SEMA3D: variants seen among roughly 807,000 people sequenced by gnomAD.
SEMA3D encodes the protein semaphorin-3D.
Under a neutral mutation model 100.1 loss-of-function variants are expected in SEMA3D, and 84 were observed. The observed-to-expected ratio is 0.84, with a 90% CI of 0.70 to 1.01. The LOEUF is 1.01. Ranked by LOEUF, SEMA3D falls within the 50% of genes least tolerant of loss-of-function variation. The pLI is 0.00. For synonymous variants in SEMA3D, 312 were observed against 320.7 expected, an observed-to-expected ratio of 0.97 and a Z score of 0.29; for missense variants, 875 against 934.1, an observed-to-expected ratio of 0.94 and a Z score of 0.82.
At chr7:85,168,471 A>G (rs886686318) in intron 1 of SEMA3D, among the ~76,000 whole-genome samples, 6 of 151,734 alleles carry the variant, frequency 4.0e-5, no homozygotes, top group African/African-American at 1.5e-4. Flanking sequence ...TTAGTTGTCA[A>G]CCTCACTAAG....
chr7:85,040,752 G>T lies in SEMA3D; in HGVS notation c.977-10C>A. The T allele has an allele frequency of 8.3e-7, 1 of 1,204,414 alleles. No homozygotes were observed. The highest frequency in any genetic ancestry group is 1.2e-6 in the Non-Finnish European group (1 of 814,190). 74.6% of individuals were successfully genotyped at this position (1,204,414 alleles called of 1,614,324 possible). On this transcript the variant is annotated splice_polypyrimidine_tract_variant and intron_variant, in intron 10 of 18. Coordinates refer to ENST00000284136, the MANE Select transcript of SEMA3D (RefSeq NM_001384900.1). Reference sequence around the variant, plus strand: ...AGTAAATAAATATCTTCTATTAAAGGGGAAAAATAAATATTTACTCTTATT... The same window carrying T: ...AGTAAATAAATATCTTCTATTAAAGTGGAAAAATAAATATTTACTCTTATT...
chr7:85,207,038 T>C, the SEMA3D span, among the ~76,000 whole-genome samples: 15 of 152,208 alleles, frequency 9.9e-5, no homozygotes, highest in East Asian at 2.9e-3. Context: ...TTAAAGAGAT[T>C]TATGGCATGG....
intron 12 of SEMA3D, among the ~76,000 whole-genome samples, chr7:85,033,903 G>A (rs1172470735): frequency 7.8e-6 from 1 of 127,946 alleles, no homozygotes; most frequent in Non-Finnish European, 1.6e-5. Flanking sequence ...AATCTCCCAG[G>A]GAAGGTAAAA....
chr7:85,185,702 A>G (rs567151177), intron 1 of SEMA3D, among the ~76,000 whole-genome samples: 3 of 152,176 alleles, frequency 2.0e-5, no homozygotes, highest in South Asian at 4.2e-4. Context: ...CCCTCCTTGC[A>G]CTGTGACGGA....
At chr7:85,097,668 C>T in intron 4 of SEMA3D, 137 bp downstream of exon 4, 4 of 473,576 alleles carry the variant, frequency 8.4e-6, no homozygotes, top group Non-Finnish European at 1.1e-5. Flanking sequence ...GCAATATATT[C>T]TTTATGCTGC....
In SEMA3D at chr7:85,135,074, TG is replaced by T. The variant is rs771787328; in HGVS notation, c.-40-13144del. On this transcript the variant is annotated intron_variant, in intron 2 of 18. Transcript: ENST00000284136. ...TGTGTAGAGAAGGGCCACGAGATAA[TG>T]GTGAGAATTTGAACTTTGGAGTCAG... Among the ~76,000 whole-genome samples, 4 of 151,850 alleles carry T rather than the reference TG, an allele frequency of 2.6e-5. No homozygotes were observed. The East Asian group carries it at 7.8e-4, about 29-fold the overall frequency.
the SEMA3D span, among the ~76,000 whole-genome samples, chr7:85,221,327 A>G: frequency 1.3e-5 from 2 of 152,234 alleles, no homozygotes; most frequent in South Asian, 4.1e-4. Context: ...TGTTTGAAGT[A>G]GAAACTGCAT....
intron 2 of SEMA3D, chr7:85,141,010 T>C (rs2116461230): frequency 1.5e-6 from 1 of 672,056 alleles, no homozygotes; most frequent in East Asian, 1.4e-4. Context: ...AATAATCTAG[T>C]TTATAAACTA....
At position 85,072,552 on chromosome 7, in the gene SEMA3D, C is replaced by T. The variant is rs569746816; in HGVS notation, c.495+410G>A. 5.9e-5 allele frequency among the ~76,000 whole-genome samples: 9 copies of T among 152,198 alleles called. No homozygotes were observed. The South Asian group carries it at 1.9e-3, about 32-fold the overall frequency. ...ATACATGGAGCCCATAGAAAACAAACACTTTTAACATTTTACACTATTAAT... is the reference window on the plus strand; with the variant it reads ...ATACATGGAGCCCATAGAAAACAAATACTTTTAACATTTTACACTATTAAT... On this transcript the variant is annotated intron_variant, in intron 6 of 18. Coordinates refer to ENST00000284136, the MANE Select transcript of SEMA3D (RefSeq NM_001384900.1).
chr7:85,027,430 C>A (rs1188917964), intron 12 of SEMA3D, among the ~76,000 whole-genome samples: 1 of 152,040 alleles, frequency 6.6e-6, no homozygotes, highest in Non-Finnish European at 1.5e-5. Context: ...CAGTGAAAAC[C>A]AATGTGAGTT....
chr7:85,002,479 T>C (rs1248825445), intron 18 of SEMA3D, among the ~76,000 whole-genome samples: 3 of 152,194 alleles, frequency 2.0e-5, no homozygotes, highest in African/African-American at 7.2e-5. Context: ...AAGTAGTTGA[T>C]TAACATTTGC....
Position 84,999,516 on chromosome 7 carries a change from A to T in SEMA3D, c.2258T>A (p.Met753Lys), listed in dbSNP as rs1789594064. 1.2e-6 allele frequency: 2 copies of T among 1,614,040 alleles called. No individual in the cohort carries two copies. Among genetic ancestry groups the T allele is most frequent in the African/African-American group, 1.3e-5 (1 of 75,002 alleles). ...RNKGGPKWKH[M>K]QEMKKKRNRR... is the part of the protein sequence containing the mutation. ...ATTTCGTTTCTTCTTCATTTCCTGC[A>T]TGTGCTTCCACTTTGGGCCCCCCTT... Residue 753 changes from methionine (M) to lysine (K), a missense_variant, in exon 19 of 19, where the codon ATG becomes AAG. Transcript: ENST00000284136.
intron 18 of SEMA3D, 96 bp downstream of exon 18, chr7:85,006,706 T>C (rs768454727): frequency 1.2e-4 from 119 of 963,682 alleles, no homozygotes; most frequent in Non-Finnish European, 1.6e-4. Context: ...TTTAATCAAA[T>C]AATGATGAGA....
At chr7:85,118,675 G>C (rs976963496) in intron 3 of SEMA3D, among the ~76,000 whole-genome samples, 3 of 152,080 alleles carry the variant, frequency 2.0e-5, no homozygotes, top group Non-Finnish European at 2.9e-5. Flanking sequence ...TTAGATGTTT[G>C]TCAGGTGCAT....
chr7:85,025,391 C>T (rs1790364973), intron 12 of SEMA3D, among the ~76,000 whole-genome samples: 1 of 151,984 alleles, frequency 6.6e-6, no homozygotes, highest in Admixed American at 6.6e-5. Flanking sequence ...TGGTTCAGGG[C>T]CTATCTCCCA....
At chr7:85,015,795 A>C (rs1562783746) in intron 15 of SEMA3D, among the ~76,000 whole-genome samples, 1 of 151,820 alleles carries the variant, frequency 6.6e-6, no homozygotes, top group South Asian at 2.1e-4. Flanking sequence ...GCTGCATGAT[A>C]CTGAAAAACC....
intron 1 of SEMA3D, among the ~76,000 whole-genome samples, chr7:85,157,061 T>G (rs1403851293): frequency 1.8e-4 from 27 of 152,268 alleles, no homozygotes; most frequent in Admixed American, 1.7e-3. Context: ...GCTTCAGGAA[T>G]AAATGGCACT....
At chr7:85,215,518 G>A in the SEMA3D span, among the ~76,000 whole-genome samples, 2 of 151,994 alleles carry the variant, frequency 1.3e-5, no homozygotes, top group African/African-American at 2.4e-5. Context: ...AGCAAGAGAC[G>A]GAGAACTGCA....
At chr7:85,114,663 G>GA (rs1434552920) in intron 3 of SEMA3D, among the ~76,000 whole-genome samples, 3 of 151,824 alleles carry the variant, frequency 2.0e-5, no homozygotes, top group South Asian at 2.1e-4. Context: ...TAAAACATCT[G>GA]AAAAAATTAT....
Sources: gnomAD v4.1 joint callset for allele counts (sites outside exome capture counted in the v4.1 genomes callset) on GRCh38, gnomAD v4.1.1 for gene constraint, MANE v1.5 for transcripts, NCBI Gene and HGNC (gene_info 2026-07-23, HGNC 2026-07-21) for gene names.